MALRD1: variants seen among roughly 807,000 people sequenced by gnomAD.
MALRD1 encodes MAM and LDL receptor class A domain containing 1, also known as MAM and LDL-receptor class A domain-containing protein 1.
Under a neutral mutation model 242.1 loss-of-function variants are expected in MALRD1, and 247 were observed. The ratio of observed to expected loss-of-function variants is 1.02; its 90% CI spans 0.92 to 1.13. The LOEUF (loss-of-function observed/expected upper bound fraction) is 1.13. MALRD1 is among the 50% of genes most tolerant of loss of function. The pLI, the probability that MALRD1 is intolerant of heterozygous loss-of-function variation, is 0.00. For synonymous variants in MALRD1, 995 were observed against 866.6 expected (o/e 1.15, Z -2.60); for missense variants, 2,989 against 2,533.1 (o/e 1.18, Z -3.86).
chr10:19,150,996 T>C (rs1588618423), intron 11 of MALRD1, among the ~76,000 whole-genome samples: 2 of 152,162 alleles, frequency 1.3e-5, no homozygotes, highest in East Asian at 3.9e-4. Context: ...ATTTATATTT[T>C]CAATAAACAT....
At chr10:19,655,028 A>T (rs1190315534) in intron 36 of MALRD1, among the ~76,000 whole-genome samples, 1 of 152,206 alleles carries the variant, frequency 6.6e-6, no homozygotes, top group Non-Finnish European at 1.5e-5. Flanking sequence ...CATTTTAGAA[A>T]CAAACACGAT....
At chr10:19,476,543 C>T (rs766003693) in intron 29 of MALRD1, among the ~76,000 whole-genome samples, 6 of 152,016 alleles carry the variant, frequency 3.9e-5, no homozygotes, top group Non-Finnish European at 5.9e-5. Flanking sequence ...TAGGCCTCTT[C>T]CCCAGCTCTG....
At chr10:19,603,290 T>C (rs994197212) in intron 34 of MALRD1, among the ~76,000 whole-genome samples, 9 of 152,290 alleles carry the variant, frequency 5.9e-5, no homozygotes, top group African/African-American at 2.2e-4. Context: ...CTGAATGGAA[T>C]TGCCTAGGTT....
At chr10:19,468,413 A>C (rs1198971154) in intron 29 of MALRD1, among the ~76,000 whole-genome samples, 1 of 152,176 alleles carries the variant, frequency 6.6e-6, no homozygotes, top group East Asian at 1.9e-4. Flanking sequence ...AAAGAAATGA[A>C]CATACTTAGA....
rs574357608 is a variant in MALRD1 at position 19,137,827 on chromosome 10, A to G, written c.1411+1046A>G. 5.3e-5 allele frequency among the ~76,000 whole-genome samples: 8 copies of G among 152,282 alleles called. No homozygotes were observed. In the East Asian group the frequency reaches 1.5e-3, roughly 29 times the overall value. On this transcript the variant is annotated intron_variant, in intron 10 of 39. Transcript: ENST00000454679. ...GATTCTCATATGAGGTAACTTAGCA[A>G]CTGAGATCCCTGTGTCTCTTTAGAA...
intron 31 of MALRD1, among the ~76,000 whole-genome samples, chr10:19,516,215 C>A (rs7923712): frequency 0.038 from 5,776 of 152,166 alleles, 205 homozygotes; most frequent in African/African-American, 0.097. Flanking sequence ...TATCCCAGAT[C>A]ATGTAAATTT....
At chr10:19,722,876 C>T (rs913413007) in intron 38 of MALRD1, among the ~76,000 whole-genome samples, 2 of 152,130 alleles carry the variant, frequency 1.3e-5, no homozygotes, top group Non-Finnish European at 2.9e-5. Flanking sequence ...CAGAAACCAA[C>T]AGTTGCCACC....
chr10:19,140,657 G>A (rs541109222), intron 10 of MALRD1, among the ~76,000 whole-genome samples: 1 of 152,094 alleles, frequency 6.6e-6, no homozygotes, highest in Admixed American at 6.6e-5. Context: ...GATGAGCGTG[G>A]AGGGGATTAT....
At chr10:19,670,168 A>C (rs1841857611) in intron 36 of MALRD1, among the ~76,000 whole-genome samples, 1 of 152,036 alleles carries the variant, frequency 6.6e-6, no homozygotes, top group African/African-American at 2.4e-5. Flanking sequence ...ACATGTTTCT[A>C]GTTTGAATGC....
intron 20 of MALRD1, among the ~76,000 whole-genome samples, chr10:19,281,461 A>T (rs541697120): frequency 6.6e-6 from 1 of 152,326 alleles, no homozygotes; most frequent in Admixed American, 6.5e-5. Flanking sequence ...GGAAGTTTTG[A>T]TAAATTCTTT....
Position 19,136,737 on chromosome 10 carries a change from G to A in MALRD1, c.1367G>A (p.Arg456Gln), listed in dbSNP as rs771617595. 215 of 1,231,466 alleles carry A rather than the reference G, an allele frequency of 1.7e-4. No homozygotes were observed. Among genetic ancestry groups the A allele is most frequent in the Non-Finnish European group, 2.0e-4 (201 of 987,968 alleles). The allele number at this position is 1,231,466 out of a possible 1,614,324, so 76.3% of individuals were successfully genotyped here. ...GCCAAAGAATCTGTCTGTGACTCTC[G>A]GCAGGACTGCTCCGATGAGAGTGAT... ...CIAKESVCDS[R>Q]QDCSDESDED... Residue 456 changes from arginine to glutamine, a missense_variant, in exon 10 of 40, where the codon CGG becomes CAG. Physicochemically the swap from Arg to Gln is conservative, Grantham distance 43 (BLOSUM62 1). Coordinates refer to ENST00000454679, the MANE Select transcript of MALRD1 (RefSeq NM_001142308.3).
intron 28 of MALRD1, among the ~76,000 whole-genome samples, chr10:19,442,932 G>A (rs1834752308): frequency 6.6e-6 from 1 of 152,144 alleles, no homozygotes; most frequent in Admixed American, 6.5e-5. Flanking sequence ...GAATTAGGCT[G>A]TGAATCCATC....
chr10:19,305,596 C>T (rs1220126066), intron 21 of MALRD1, among the ~76,000 whole-genome samples: 1 of 150,820 alleles, frequency 6.6e-6, no homozygotes, highest in Non-Finnish European at 1.5e-5. Context: ...GACTGATGAT[C>T]TTTCATTTCT....
intron 36 of MALRD1, among the ~76,000 whole-genome samples, chr10:19,631,403 A>G (rs538256276): frequency 2.0e-5 from 3 of 152,292 alleles, no homozygotes; most frequent in African/African-American, 7.2e-5. Context: ...ATTGATTGGC[A>G]TGTAAGTTGA....
intron 18 of MALRD1, among the ~76,000 whole-genome samples, chr10:19,253,546 T>C (rs533155113): frequency 6.6e-6 from 1 of 152,078 alleles, no homozygotes; most frequent in South Asian, 2.1e-4. Context: ...ACTCAAGTCC[T>C]GCACTGGAAA....
At chr10:19,538,454 T>C (rs947472022) in intron 32 of MALRD1, among the ~76,000 whole-genome samples, 1 of 152,184 alleles carries the variant, frequency 6.6e-6, no homozygotes, top group African/African-American at 2.4e-5. Flanking sequence ...CCTACTTACA[T>C]GTCAAATTAA....
rs183868032 is a variant in MALRD1, at chr10:19,484,474, C to G, written c.5030-7043C>G. Among the ~76,000 whole-genome samples the G allele has an allele frequency of 1.5e-4, 23 of 152,142 alleles. No homozygotes were observed. The East Asian group carries it at 4.1e-3, about 27-fold the overall frequency. On this transcript the variant is annotated intron_variant, in intron 29 of 39. Coordinates refer to ENST00000454679, the MANE Select transcript of MALRD1 (RefSeq NM_001142308.3). ...AATATGCAATTAGCATAAAGCTCATCTTAAATAAGGAGTATTATTTGCAGA... is the reference window on the plus strand; with the variant it reads ...AATATGCAATTAGCATAAAGCTCATGTTAAATAAGGAGTATTATTTGCAGA...
intron 26 of MALRD1, among the ~76,000 whole-genome samples, chr10:19,372,670 G>A (rs182703399): frequency 1.2e-4 from 19 of 152,004 alleles, no homozygotes; most frequent in African/African-American, 4.6e-4. Context: ...GTTTCACCAT[G>A]TTGGCCAGGA....
intron 21 of MALRD1, among the ~76,000 whole-genome samples, chr10:19,293,977 G>T (rs1008557156): frequency 1.3e-5 from 2 of 152,030 alleles, no homozygotes; most frequent in African/African-American, 4.8e-5. Context: ...GAAAATATAC[G>T]AACCATATCT....
Sources: allele counts gnomAD v4.1 joint callset (sites outside exome capture counted in the v4.1 genomes callset), GRCh38; gene constraint gnomAD v4.1.1; transcripts MANE v1.5; gene names NCBI Gene and HGNC (gene_info 2026-07-23, HGNC 2026-07-21).